The following STXBP5L variants were observed in gnomAD, a reference collection of about 807,000 sequenced individuals.
STXBP5L encodes syntaxin binding protein 5L.
In STXBP5L, 65 loss-of-function variants were observed where a neutral mutation model predicts 144.5. The observed-to-expected ratio is 0.45, with a 90% CI of 0.37 to 0.55. The LOEUF is 0.55. STXBP5L is among the 20% of genes least tolerant of loss of function. STXBP5L has a pLI of 0.00. For missense variants in STXBP5L, 1,298 were observed against 1,405.5 expected (o/e 0.92, Z 1.22); for synonymous variants, 505 against 469.6 (o/e 1.08, Z -0.97).
rs562341119 is a variant in STXBP5L, at chr3:121,092,604, T to G, written c.471-22321T>G. ...TATTGGTGTATAAGAATGCTTGTGA[T>G]TTTTGTACATTGATTTTGCATCCTG... On this transcript the variant is annotated intron_variant, in intron 5 of 26. Coordinates refer to ENST00000471454, the MANE Select transcript of STXBP5L (RefSeq NM_001308330.2). Among the ~76,000 whole-genome samples the G allele has an allele frequency of 1.1e-4, 16 of 152,346 alleles. No individual in the cohort carries two copies. The East Asian group carries it at 3.1e-3, about 29-fold the overall frequency.
chr3:121,279,150 G>T (rs1314758499), intron 18 of STXBP5L, among the ~76,000 whole-genome samples: 1 of 151,686 alleles, frequency 6.6e-6, no homozygotes, highest in South Asian at 2.1e-4. Context: ...TATGCCTAAT[G>T]GTTAAGATAA....
intron 14 of STXBP5L, among the ~76,000 whole-genome samples, chr3:121,249,498 A>G (rs1011731678): frequency 6.6e-6 from 1 of 152,086 alleles, no homozygotes; most frequent in African/African-American, 2.4e-5. Flanking sequence ...CCAAATGTCT[A>G]TTGCTATTCA....
intron 7 of STXBP5L, among the ~76,000 whole-genome samples, chr3:121,123,901 T>C (rs1362707443): frequency 6.6e-6 from 1 of 151,810 alleles, no homozygotes; most frequent in Non-Finnish European, 1.5e-5. Context: ...AGTCTTTTCA[T>C]GTGATTCTTG....
intron 2 of STXBP5L, among the ~76,000 whole-genome samples, chr3:120,914,333 T>C (rs1023505087): frequency 2.0e-5 from 3 of 152,098 alleles, no homozygotes; most frequent in African/African-American, 7.2e-5. Context: ...TCACTATTCA[T>C]AATCATTTAT....
intron 20 of STXBP5L, among the ~76,000 whole-genome samples, chr3:121,349,637 A>G (rs1470596753): frequency 4.0e-5 from 6 of 151,540 alleles, no homozygotes; most frequent in Admixed American, 3.3e-4. Context: ...GAATCTGGGT[A>G]CCCCTGTATT....
chr3:121,258,162 G>A (rs1300567868), intron 17 of STXBP5L, among the ~76,000 whole-genome samples: 1 of 152,060 alleles, frequency 6.6e-6, no homozygotes, highest in Admixed American at 6.6e-5. Context: ...AAAGCCCATA[G>A]TAATATTTTA....
intron 8 of STXBP5L, among the ~76,000 whole-genome samples, chr3:121,154,198 T>G (rs2046037395): frequency 6.6e-6 from 1 of 151,892 alleles, no homozygotes; most frequent in Non-Finnish European, 1.5e-5. Flanking sequence ...ATCTGATATA[T>G]GTATGTAAAT....
At chr3:121,028,566 C>T (rs1025038498) in intron 3 of STXBP5L, among the ~76,000 whole-genome samples, 1 of 152,034 alleles carries the variant, frequency 6.6e-6, no homozygotes, top group African/African-American at 2.4e-5. Context: ...CAAAAATATT[C>T]TAAGGAGATC....
At position 121,182,683 on chromosome 3, in the gene STXBP5L, T is replaced by C. The variant is rs60639242; in HGVS notation, c.878-23240T>C. ...AACTAAATGAAATTGAAACAAAAAA[T>C]ATGCAAAAGATAAATGAAACAAAAA... On this transcript the variant is annotated intron_variant, in intron 9 of 26. Transcript: ENST00000471454. Among the ~76,000 whole-genome samples the C allele has an allele frequency of 7.9e-3, 1,197 of 151,974 alleles. 13 individuals are homozygous for C. The highest frequency in any genetic ancestry group is 0.028 in the African/African-American group (1,154 of 41,482).
chr3:120,965,044 T>C (rs1054604298), intron 3 of STXBP5L, among the ~76,000 whole-genome samples: 1 of 152,216 alleles, frequency 6.6e-6, no homozygotes, highest in African/African-American at 2.4e-5. Context: ...TTTGTCTCTT[T>C]TGATCTTTGT....
At chr3:121,298,969 G>T (rs1391812360) in intron 19 of STXBP5L, among the ~76,000 whole-genome samples, 1 of 152,082 alleles carries the variant, frequency 6.6e-6, no homozygotes, top group Non-Finnish European at 1.5e-5. Context: ...AAGTGTCTTT[G>T]GGGTTCTTCT....
At chr3:121,043,184 A>G (rs911696927) in intron 4 of STXBP5L, among the ~76,000 whole-genome samples, 1 of 152,070 alleles carries the variant, frequency 6.6e-6, no homozygotes, top group East Asian at 1.9e-4. Flanking sequence ...AAGCTGCTGT[A>G]TCTTTTCCCA....
intron 20 of STXBP5L, among the ~76,000 whole-genome samples, chr3:121,360,463 G>C (rs73183158): frequency 0.14 from 20,634 of 151,810 alleles, 1,856 homozygotes; most frequent in Non-Finnish European, 0.21. Flanking sequence ...GTTGTTTTGT[G>C]TCTTCTCTTC....
At chr3:120,963,059 T>C (rs1438840167) in intron 3 of STXBP5L, among the ~76,000 whole-genome samples, 1 of 152,254 alleles carries the variant, frequency 6.6e-6, no homozygotes, top group African/African-American at 2.4e-5. Context: ...AGTTCACTCA[T>C]GATTTGGCTC....
At chr3:121,052,850 T>C (rs894871097) in intron 5 of STXBP5L, among the ~76,000 whole-genome samples, 7 of 152,132 alleles carry the variant, frequency 4.6e-5, no homozygotes, top group East Asian at 1.9e-4. Context: ...GAAAACCCCA[T>C]TGTCTCAGCC....
chr3:121,284,571 T>C (rs2051167777), intron 19 of STXBP5L, among the ~76,000 whole-genome samples: 1 of 152,062 alleles, frequency 6.6e-6, no homozygotes, highest in Non-Finnish European at 1.5e-5. Flanking sequence ...TTCTTTATAT[T>C]CCCTGCATCT....
At chr3:121,313,613 C>A (rs1439463149) in intron 19 of STXBP5L, among the ~76,000 whole-genome samples, 1 of 95,438 alleles carries the variant, frequency 1.0e-5, no homozygotes, top group Non-Finnish European at 2.3e-5. Flanking sequence ...CCGACCCCCC[C>A]CCCCGCCTCC....
intron 3 of STXBP5L, among the ~76,000 whole-genome samples, chr3:120,968,685 C>G (rs772395758): frequency 3.9e-5 from 6 of 152,138 alleles, no homozygotes; most frequent in Admixed American, 6.5e-5. Flanking sequence ...GCATTGTATA[C>G]TATACCCAAT....
intron 18 of STXBP5L, among the ~76,000 whole-genome samples, chr3:121,273,814 G>A (rs565594785): frequency 5.9e-4 from 89 of 151,572 alleles, no homozygotes; most frequent in African/African-American, 2.1e-3. Context: ...TGATCAAGTC[G>A]GCTAGCAGAG....
Sources: gnomAD v4.1 joint callset for allele counts (sites outside exome capture counted in the v4.1 genomes callset) on GRCh38, gnomAD v4.1.1 for gene constraint, MANE v1.5 for transcripts, NCBI Gene and HGNC (gene_info 2026-07-23, HGNC 2026-07-21) for gene names.